METAP2: variants seen among roughly 807,000 people sequenced by gnomAD.
METAP2 encodes the protein methionyl aminopeptidase 2, also known as methionine aminopeptidase 2.
In METAP2, 25 loss-of-function variants were observed where a neutral mutation model predicts 59.4. That is an observed-to-expected ratio of 0.42 (90% confidence interval 0.31 to 0.59). The LOEUF (loss-of-function observed/expected upper bound fraction) is 0.59. Among genes scored for constraint, METAP2 ranks in the 20% least tolerant of loss-of-function variants. METAP2 has a pLI of 0.16. For synonymous variants in METAP2, 214 were observed against 194.1 expected, an observed-to-expected ratio of 1.10 and a Z score of -0.85; for missense variants, 366 against 581.2, an observed-to-expected ratio of 0.63 and a Z score of 3.81.
Position 95,483,232 on chromosome 12 carries a change from G to A in METAP2, c.277G>A (p.Asp93Asn). ...EDDEDGDGDG[D>N]GATGKKKKKK... ...TTTCTTAGATGGAGATGGCGATGGA[G>A]ATGGAGCAACTGGAAAGAAGAAGAA... is the stretch of plus-strand genomic sequence containing the variant. Residue 93 changes from aspartate (D) to asparagine (N), a missense_variant, in exon 3 of 11, where the codon GAT (aspartate) becomes AAT (asparagine). Transcript: ENST00000323666. 2.5e-6 allele frequency: 4 copies of A among 1,613,134 alleles called. No individual in the cohort carries two copies. Among genetic ancestry groups the A allele is most frequent in the Middle Eastern group, 1.7e-4 (1 of 6,060 alleles).
chr12:95,494,778 A>G (rs11108071), intron 5 of METAP2, among the ~76,000 whole-genome samples, 179 bp from the exon 6 acceptor site: 7,330 of 152,244 alleles, frequency 0.048, 575 homozygotes, highest in African/African-American at 0.17. Flanking sequence ...TTCTAAAGAT[A>G]TGCTATTTTC....
chr12:95,478,538 A>T (rs931483022), intron 2 of METAP2, among the ~76,000 whole-genome samples: 10 of 151,970 alleles, frequency 6.6e-5, no homozygotes, highest in Admixed American at 6.5e-4. Flanking sequence ...AGGCTGAGGC[A>T]GGAAAATTGC....
chr12:95,508,647 G>A (rs543540685), intron 8 of METAP2, among the ~76,000 whole-genome samples: 8 of 152,262 alleles, frequency 5.3e-5, no homozygotes, highest in Middle Eastern at 3.4e-3. Context: ...ATATACCAAT[G>A]TCTTCTCTTT....
intron 2 of METAP2, chr12:95,482,078 C>A: frequency 2.4e-6 from 1 of 411,552 alleles, no homozygotes; most frequent in South Asian, 1.7e-5. Flanking sequence ...TCTAAAAATC[C>A]ATAATGAATA....
At chr12:95,479,331 G>A (rs2076142329) in intron 2 of METAP2, among the ~76,000 whole-genome samples, 1 of 152,216 alleles carries the variant, frequency 6.6e-6, no homozygotes, top group Admixed American at 6.5e-5. Context: ...GCAGGAGTAA[G>A]GCATTAGTGG....
At chr12:95,501,958 G>A (rs995172156) in intron 7 of METAP2, among the ~76,000 whole-genome samples, 3 of 150,784 alleles carry the variant, frequency 2.0e-5, no homozygotes, top group Admixed American at 1.3e-4. Flanking sequence ...CTTTCGTCTG[G>A]GAATCTTAAT....
At chr12:95,474,682 G>T (rs537201437) in intron 1 of METAP2, among the ~76,000 whole-genome samples, 3 of 152,300 alleles carry the variant, frequency 2.0e-5, no homozygotes, top group African/African-American at 7.2e-5. Context: ...CGCGCGATTT[G>T]GCCGCCGCCT....
intron 7 of METAP2, among the ~76,000 whole-genome samples, chr12:95,500,031 CA>C (rs2140156639): frequency 6.6e-6 from 1 of 152,300 alleles, no homozygotes; most frequent in East Asian, 1.9e-4. Context: ...GGTGGGGACA[CA>C]GAGTCAAACC....
intron 8 of METAP2, among the ~76,000 whole-genome samples, chr12:95,509,831 A>C (rs2076388137): frequency 6.9e-6 from 1 of 144,624 alleles, no homozygotes; most frequent in Non-Finnish European, 1.5e-5. Flanking sequence ...AATTTTTTTA[A>C]GACCTCCCCC....
intron 9 of METAP2, among the ~76,000 whole-genome samples, 166 bp downstream of exon 9, chr12:95,512,164 C>T (rs889539276): frequency 9.9e-5 from 15 of 152,236 alleles, no homozygotes; most frequent in African/African-American, 3.6e-4. Context: ...TGTGTATAGT[C>T]AGCACTAAAT....
chr12:95,513,266 A>G (rs2076417876), intron 10 of METAP2, among the ~76,000 whole-genome samples: 1 of 152,262 alleles, frequency 6.6e-6, no homozygotes, highest in East Asian at 1.9e-4. Context: ...TTACATTGAA[A>G]TTTTTTAACA....
chr12:95,493,388 G>A (rs981687593), intron 4 of METAP2, among the ~76,000 whole-genome samples: 6 of 152,180 alleles, frequency 3.9e-5, no homozygotes, highest in African/African-American at 1.4e-4. Context: ...GGAAGCTGAG[G>A]CAGGAAGAAC....
At chr12:95,502,823 C>T (rs535562110) in intron 7 of METAP2, among the ~76,000 whole-genome samples, 2 of 151,886 alleles carry the variant, frequency 1.3e-5, no homozygotes, top group East Asian at 3.9e-4. Flanking sequence ...TTTTTTTTGC[C>T]TGCTCAAATA....
intron 8 of METAP2, among the ~76,000 whole-genome samples, chr12:95,505,761 C>T (rs80310748): frequency 6.6e-6 from 1 of 151,626 alleles, no homozygotes; most frequent in Admixed American, 6.6e-5. Flanking sequence ...TCCCGAAGTG[C>T]TGGGATTACA....
chr12:95,492,935 A>G (rs2076249742), intron 4 of METAP2, among the ~76,000 whole-genome samples: 1 of 152,204 alleles, frequency 6.6e-6, no homozygotes, highest in Admixed American at 6.5e-5. Context: ...TATAGACAGT[A>G]CATAAATGAG....
chr12:95,511,861 T>C, intron 8 of METAP2, 34 bp from the exon 9 acceptor site: 2 of 1,477,626 alleles, frequency 1.4e-6, no homozygotes, highest in Non-Finnish European at 1.9e-6. Flanking sequence ...CTTGAGATCC[T>C]GAATGACTTT....
At chr12:95,512,052 CAGA>C in intron 9 of METAP2, 54 bp downstream of exon 9, 1 of 1,280,048 alleles carries the variant, frequency 7.8e-7, no homozygotes, top group Non-Finnish European at 1.1e-6. Context: ...TTCTTCCAAG[CAGA>C]AGGTCATGGT....
In METAP2 at chr12:95,504,088, G is replaced by T. The variant is rs770257227; in HGVS notation, c.891G>T (p.Leu297=). ...GIKCAGIDVR[L]CDVGEAIQEV... ...AGTGTGCTGGAATTGATGTTCGTCT[G>T]TGTGATGTTGGTGAGGCCATCCAAG... is the stretch of plus-strand genomic sequence containing the variant. Residue 297 remains leucine (L), a synonymous_variant, in exon 8 of 11, where the codon CTG becomes CTT. Coordinates refer to ENST00000323666, the MANE Select transcript of METAP2 (RefSeq NM_006838.4). The T allele has an allele frequency of 3.1e-6, 5 of 1,613,836 alleles. No individual in the cohort carries two copies. Among genetic ancestry groups the T allele is most frequent in the Non-Finnish European group, 4.2e-6 (5 of 1,179,834 alleles).
intron 2 of METAP2, among the ~76,000 whole-genome samples, chr12:95,480,470 T>C (rs918717503): frequency 6.6e-6 from 1 of 152,198 alleles, no homozygotes; most frequent in African/African-American, 2.4e-5. Context: ...CTATGCTGTT[T>C]TGCATTCCTC....
Sources: allele counts gnomAD v4.1 joint callset (sites outside exome capture counted in the v4.1 genomes callset), GRCh38; gene constraint gnomAD v4.1.1; transcripts MANE v1.5; gene names NCBI Gene and HGNC (gene_info 2026-07-23, HGNC 2026-07-21).